CNTRL: variants seen among roughly 807,000 people sequenced by gnomAD.
CNTRL encodes centriolin.
A neutral mutation model predicts 303.7 loss-of-function variants in CNTRL; 233 were observed. That is an observed-to-expected ratio of 0.77 (90% CI 0.69 to 0.86). CNTRL has a LOEUF of 0.86. Ranked by LOEUF, CNTRL falls within the 40% of genes least tolerant of loss-of-function variation. CNTRL has a pLI of 0.00. For synonymous variants in CNTRL, 900 were observed against 922.2 expected (o/e 0.98, Z 0.44); for missense variants, 2,524 against 2,650.6 (o/e 0.95, Z 1.05).
rs200518253 is a variant in CNTRL, at chr9:121,173,682, A to C, written c.6692A>C (p.His2231Pro). The C allele has an allele frequency of 1.2e-6, 2 of 1,614,184 alleles. No homozygotes were observed. Among genetic ancestry groups the C allele is most frequent in the Non-Finnish European group, 8.5e-7 (1 of 1,180,010 alleles). Residue 2231 changes from histidine to proline, a missense_variant, in exon 42 of 44, where the codon CAC becomes CCC. By Grantham distance (77) the His-to-Pro change is moderately conservative. Transcript: ENST00000373855. The part of the protein sequence containing the change: ...NFSQVHIMDE[H>P]WRGEALREKL... ...ATTTTCCCTCTGAGAAAGGATGAAC[A>C]CTGGCGTGGAGAAGCACTCCGGGAG...
intron 35 of CNTRL, among the ~76,000 whole-genome samples, chr9:121,165,647 TAAA>T (rs1379935967): frequency 6.6e-6 from 1 of 152,252 alleles, no homozygotes; most frequent in Admixed American, 6.5e-5. Flanking sequence ...TTTTATGAGA[TAAA>T]AATTATTTTA....
At chr9:121,171,378 C>T (rs374086076) in intron 39 of CNTRL, 30 bp from the exon 40 acceptor site, 66 of 1,612,804 alleles carry the variant, frequency 4.1e-5, no homozygotes, top group South Asian at 2.6e-4. Context: ...TGTGTTAGAT[C>T]GCAGAGTTAT....
Position 121,157,751 on chromosome 9 carries a change from C to T in CNTRL, c.4508C>T (p.Ala1503Val). 6.2e-7 allele frequency: 1 copy of T among 1,614,048 alleles called. No individual in the cohort carries two copies. Among genetic ancestry groups the T allele is most frequent in the Non-Finnish European group, 8.5e-7 (1 of 1,180,000 alleles). The change falls in exon 29 of 44, where the codon GCT (alanine) becomes GTT (valine). Residue 1503 changes from alanine to valine, a missense_variant. Ala to Val is a moderately conservative substitution (Grantham distance 64, BLOSUM62 0). Transcript: ENST00000373855. ...KADQQLRSLQADAKDLEQHKI... is the reference protein window; with the variant it reads ...KADQQLRSLQVDAKDLEQHKI... ...GCAATGTGCTTTAGATCGCTCCAGG[C>T]TGATGCAAAGGATTTGGAGCAGCAC...
chr9:121,152,108 G>A (rs1034857182), intron 25 of CNTRL: 3 of 188,108 alleles, frequency 1.6e-5, no homozygotes, highest in Admixed American at 5.4e-5. Context: ...CCTTCCGTTC[G>A]TTCTTCAAAA....
intron 14 of CNTRL, among the ~76,000 whole-genome samples, chr9:121,129,432 C>T (rs1000188592): frequency 3.3e-5 from 5 of 151,854 alleles, no homozygotes; most frequent in Admixed American, 3.3e-4. Flanking sequence ...CGATTTGGCT[C>T]TCTGTCTATT....
At chr9:121,108,093 G>C in intron 8 of CNTRL, 98 bp downstream of exon 8, 1 of 724,426 alleles carries the variant, frequency 1.4e-6, no homozygotes, top group East Asian at 2.9e-5. Context: ...CATATAATGG[G>C]GAAGATGTGG....
Position 121,140,722 on chromosome 9 carries a change from G to A in CNTRL, c.2419G>A (p.Glu807Lys), listed in dbSNP as rs149378709. ...NHVVDGLVRP[E>K]EVAARVDELR... The stretch of plus-strand genomic sequence containing the variant: ...TGTGGTTGATGGTTTGGTTCGTCCA[G>A]AAGAAGTGGCAGCTCGTGTGGATGA... The change falls in exon 17 of 44, where the codon GAA (glutamate) becomes AAA (lysine). Residue 807 changes from glutamate (E) to lysine (K), a missense_variant. Physicochemically the swap from Glu to Lys is moderately conservative, Grantham distance 56. Transcript: ENST00000373855. 111 of 1,613,556 alleles carry A rather than the reference G, an allele frequency of 6.9e-5. No homozygotes were observed. In the African/African-American group the frequency reaches 1.4e-3, roughly 21 times the overall value.
At chr9:121,081,217 A>G (rs2048127043) in intron 2 of CNTRL, among the ~76,000 whole-genome samples, 1 of 152,228 alleles carries the variant, frequency 6.6e-6, no homozygotes, top group Non-Finnish European at 1.5e-5. Context: ...ATCACAGCTT[A>G]TATGTACCCA....
chr9:121,150,355 G>A lies in CNTRL; in HGVS notation c.3835G>A (p.Gly1279Ser). ...AAACAATAGCCGACCTCTCACCCCT[G>A]GCACTGTTGTTTATGGCCCACCTCC... ...LPNNSRPLTP[G>S]TVVYGPPPAG... The change falls in exon 25 of 44, where the codon GGC (glycine) becomes AGC (serine). Residue 1279 changes from glycine to serine, a missense_variant. Coordinates refer to ENST00000373855, the MANE Select transcript of CNTRL (RefSeq NM_007018.6). The A allele has an allele frequency of 1.9e-6, 3 of 1,614,084 alleles. No individual in the cohort carries two copies. Among genetic ancestry groups the A allele is most frequent in the Non-Finnish European group, 2.5e-6 (3 of 1,180,010 alleles).
chr9:121,122,825 G>C (rs1275446770), intron 12 of CNTRL, among the ~76,000 whole-genome samples: 2 of 152,162 alleles, frequency 1.3e-5, no homozygotes, highest in African/African-American at 4.8e-5. Context: ...CATGACTTCA[G>C]GGTGCGGGAG....
At chr9:121,154,519 T>C (rs1205856857) in intron 26 of CNTRL, among the ~76,000 whole-genome samples, 2 of 152,222 alleles carry the variant, frequency 1.3e-5, no homozygotes, top group African/African-American at 2.4e-5. Context: ...ATTTTACATA[T>C]TATGCATTTA....
chr9:121,148,015 G>A (rs189574319), intron 23 of CNTRL, among the ~76,000 whole-genome samples: 2 of 152,114 alleles, frequency 1.3e-5, no homozygotes, highest in African/African-American at 2.4e-5. Flanking sequence ...AGATTTCTTC[G>A]AAGTTCACTG....
intron 7 of CNTRL, among the ~76,000 whole-genome samples, chr9:121,106,202 G>C (rs1347803880): frequency 6.6e-6 from 1 of 151,972 alleles, no homozygotes; most frequent in Non-Finnish European, 1.5e-5. Flanking sequence ...AGCTGGGTGT[G>C]GTTTTGGGCG....
At chr9:121,167,407 C>A in intron 36 of CNTRL, 82 bp from the exon 37 acceptor site, 1 of 1,084,596 alleles carries the variant, frequency 9.2e-7, no homozygotes, top group Non-Finnish European at 1.3e-6. Context: ...TTCTGTCAGA[C>A]TTAGTAGATA....
chr9:121,138,024 G>C (rs1336160587), intron 15 of CNTRL, among the ~76,000 whole-genome samples: 2 of 152,152 alleles, frequency 1.3e-5, no homozygotes, highest in Non-Finnish European at 2.9e-5. Context: ...AAGATCTACA[G>C]ATCTCTGATT....
At chr9:121,176,536 G>A (rs1391314464) in intron 43 of CNTRL, among the ~76,000 whole-genome samples, 1 of 152,192 alleles carries the variant, frequency 6.6e-6, no homozygotes, top group Admixed American at 6.5e-5. Context: ...GGAAGCTTTG[G>A]GGATGAGACA....
At chr9:121,174,610 T>C (rs1190544501) in intron 42 of CNTRL, among the ~76,000 whole-genome samples, 1 of 152,170 alleles carries the variant, frequency 6.6e-6, no homozygotes, top group East Asian at 1.9e-4. Context: ...GAGGATTAAA[T>C]ACCTAATCAT....
At chr9:121,118,251 A>G in intron 11 of CNTRL, 95 bp from the exon 12 acceptor site, 1 of 980,964 alleles carries the variant, frequency 1.0e-6, no homozygotes, top group Non-Finnish European at 1.4e-6. Flanking sequence ...AAAAACTGAT[A>G]GAATATAGAA....
chr9:121,089,053 G>T (rs552757728), intron 3 of CNTRL, among the ~76,000 whole-genome samples: 1 of 152,266 alleles, frequency 6.6e-6, no homozygotes, highest in African/African-American at 2.4e-5. Flanking sequence ...TGCATTGTTG[G>T]GGGTATAGCT....
Sources: allele counts gnomAD v4.1 joint callset (sites outside exome capture counted in the v4.1 genomes callset), GRCh38; gene constraint gnomAD v4.1.1; transcripts MANE v1.5; gene names NCBI Gene and HGNC (gene_info 2026-07-23, HGNC 2026-07-21).